The following TNRC6C variants were observed in gnomAD, a reference collection of about 807,000 sequenced individuals.
TNRC6C encodes the protein trinucleotide repeat-containing gene 6C protein.
A neutral mutation model predicts 153.7 loss-of-function variants in TNRC6C; 20 were observed. The observed-to-expected ratio is 0.13, with a 90% CI of 0.09 to 0.19. The LOEUF is 0.19. Among genes scored for constraint, TNRC6C ranks in the 10% least tolerant of loss-of-function variants. The probability of loss-of-function intolerance (pLI) is 1.00; values close to 1 mark genes in which losing one functional copy is unlikely to be tolerated. For missense variants in TNRC6C, 1,987 were observed against 2,172.0 expected, an observed-to-expected ratio of 0.91 and a Z score of 1.69; for synonymous variants, 811 against 841.4, an observed-to-expected ratio of 0.96 and a Z score of 0.63.
At chr17:78,063,205 A>G (rs1010966326) in intron 3 of TNRC6C, among the ~76,000 whole-genome samples, 1 of 151,216 alleles carries the variant, frequency 6.6e-6, no homozygotes, top group African/African-American at 2.4e-5. Context: ...AGATTGTGCT[A>G]CTGCACTCCA....
chr17:78,017,211 T>A (rs1487332228), intron 1 of TNRC6C, among the ~76,000 whole-genome samples: 3 of 152,204 alleles, frequency 2.0e-5, no homozygotes, highest in Non-Finnish European at 2.9e-5. Flanking sequence ...TATGCCTTTT[T>A]AAAAATGTCT....
rs1030540717 is a variant in TNRC6C at position 78,103,567 on chromosome 17, C to G, written c.4712+14C>G. 1.9e-6 allele frequency: 3 copies of G among 1,613,672 alleles called. No individual in the cohort carries two copies. Among genetic ancestry groups the G allele is most frequent in the Admixed American group, 3.3e-5 (2 of 59,988 alleles). Reference sequence around the variant, plus strand: ...GTCTCTGCACATGTATGTTTTCTCACAGCCACCTCAGCGCTCCAAGTAGCT... The same window carrying G: ...GTCTCTGCACATGTATGTTTTCTCAGAGCCACCTCAGCGCTCCAAGTAGCT... On this transcript the variant is annotated intron_variant, in intron 19 of 19. Transcript: ENST00000301624.
intron 2 of TNRC6C, among the ~76,000 whole-genome samples, chr17:78,041,423 A>C (rs1038875246): frequency 2.6e-4 from 40 of 152,208 alleles, no homozygotes; most frequent in African/African-American, 9.2e-4. Context: ...CTTTGCCCCC[A>C]GTTTCCTTCT....
intron 1 of TNRC6C, among the ~76,000 whole-genome samples, chr17:78,015,977 GAA>G (rs2143461470): frequency 6.6e-6 from 1 of 152,258 alleles, no homozygotes; most frequent in African/African-American, 2.4e-5. Flanking sequence ...TTCGGCTGAA[GAA>G]TATAGAAACT....
intron 2 of TNRC6C, among the ~76,000 whole-genome samples, chr17:78,043,729 C>G (rs563032453): frequency 6.6e-6 from 1 of 152,206 alleles, no homozygotes; most frequent in South Asian, 2.1e-4. Flanking sequence ...CCCCACCCCT[C>G]ACTCTCGCAC....
intron 3 of TNRC6C, 34 bp downstream of exon 5, chr17:78,051,482 A>G: frequency 2.9e-6 from 1 of 345,232 alleles, no homozygotes; most frequent in Non-Finnish European, 3.6e-6. Context: ...TTTACAAGTA[A>G]AAAAAAAAAA....
intron 1 of TNRC6C, among the ~76,000 whole-genome samples, chr17:78,020,708 A>G (rs1361346326): frequency 2.6e-5 from 4 of 152,250 alleles, no homozygotes; most frequent in African/African-American, 9.6e-5. Flanking sequence ...TATATCCAAA[A>G]TATCGCCATT....
intron 10 of TNRC6C, among the ~76,000 whole-genome samples, chr17:78,080,993 C>T (rs371395153): frequency 6.6e-6 from 1 of 152,058 alleles, no homozygotes; most frequent in African/African-American, 2.4e-5. Flanking sequence ...AACAAAATAC[C>T]TTAGACTGGG....
At chr17:78,045,931 T>G (rs1017401772) in intron 2 of TNRC6C, among the ~76,000 whole-genome samples, 1 of 151,752 alleles carries the variant, frequency 6.6e-6, no homozygotes, top group Non-Finnish European at 1.5e-5. Flanking sequence ...TTTAAAAATG[T>G]TATAGGTATC....
chr17:78,097,071 C>T (rs746065102), intron 16 of TNRC6C, among the ~76,000 whole-genome samples: 3 of 152,034 alleles, frequency 2.0e-5, no homozygotes, highest in East Asian at 1.9e-4. Context: ...AATCATGAGC[C>T]GGGTGTGGTG....
At chr17:77,958,517 G>C (rs373997016), upstream of TNRC6C, among the ~76,000 whole-genome samples, 1,311 of 152,108 alleles carry the variant, frequency 8.6e-3, 14 homozygotes, top group South Asian at 0.037. Context: ...CAATGGGCCG[G>C]GAGGGGCGCG....
chr17:78,074,997 G>C (rs1331892061), intron 7 of TNRC6C, 139 bp from the exon 10 acceptor site: 4 of 1,133,276 alleles, frequency 3.5e-6, no homozygotes, highest in Non-Finnish European at 4.9e-6. Flanking sequence ...CAAAGCAAGG[G>C]CTCTCTCTGC....
chr17:78,048,789 A>AT (rs1222618429), intron 2 of TNRC6C, 56 bp from the exon 5 acceptor site: 1 of 1,230,488 alleles, frequency 8.1e-7, no homozygotes, highest in East Asian at 3.1e-5. Context: ...TTAACAGTTG[A>AT]TTCATTGACA....
intron 16 of TNRC6C, 84 bp from the exon 19 acceptor site, chr17:78,097,661 C>A (rs183839095): frequency 2.1e-5 from 20 of 943,050 alleles, no homozygotes; most frequent in Non-Finnish European, 2.9e-5. Context: ...GAGGTTGATT[C>A]CTGATGGTTC....
At chr17:78,084,323 GAA>G (rs1238748774) in intron 11 of TNRC6C, among the ~76,000 whole-genome samples, 5 of 97,842 alleles carry the variant, frequency 5.1e-5, no homozygotes, top group African/African-American at 3.8e-5. Flanking sequence ...TCATGAAGGA[GAA>G]AAAAAAAAAA....
intron 1 of TNRC6C, among the ~76,000 whole-genome samples, chr17:78,018,628 CT>C (rs2071775764): frequency 6.6e-6 from 1 of 152,094 alleles, no homozygotes; most frequent in African/African-American, 2.4e-5. Flanking sequence ...TTTTGCAGCA[CT>C]TTACACCTGG....
Position 78,049,782 on chromosome 17 carries a change from T to A in TNRC6C, c.720T>A (p.Ser240Arg). ...CAGTTTCTCAAGTCAGTGGGGGCAG[T>A]GCTGAAGGAATAAGCAATTCTGTGT... Residue 240 changes from serine (S) to arginine (R), a missense_variant, in exon 3 of 20, where the codon AGT (serine) becomes AGA (arginine). This residue lies in a region of TNRC6C where 1,052 missense variants were observed against 1,017.0 expected (regional missense o/e 1.03). Transcript: ENST00000301624. This position sits in a 1 kb window ranked among gnomAD's most constrained non-coding sequence, Gnocchi z 4.1. 6.3e-7 allele frequency: 1 copy of A among 1,597,602 alleles called. No homozygotes were observed. Among genetic ancestry groups the A allele is most frequent in the Non-Finnish European group, 8.5e-7 (1 of 1,170,538 alleles).
intron 14 of TNRC6C, among the ~76,000 whole-genome samples, chr17:78,092,587 A>C (rs2073412627): frequency 6.6e-6 from 1 of 152,180 alleles, no homozygotes; most frequent in African/African-American, 2.4e-5. Flanking sequence ...TAGCTAACTG[A>C]AACAGTCACT....
chr17:78,051,017 G>T, exon 3 of TNRC6C: 1 of 1,613,730 alleles, frequency 6.2e-7, no homozygotes. Flanking sequence ...GCCAATCCAG[G>T]TACAAACTGG....
Sources: allele counts gnomAD v4.1 joint callset (sites outside exome capture counted in the v4.1 genomes callset), GRCh38; gene constraint gnomAD v4.1.1; regional missense constraint gnomAD v4.1.1; non-coding constraint Gnocchi (gnomAD v3.1); transcripts MANE v1.5; gene names NCBI Gene and HGNC (gene_info 2026-07-23, HGNC 2026-07-21).